The following DNAH10 variants were observed in gnomAD, a reference collection of about 807,000 sequenced individuals.
DNAH10 encodes the protein dynein axonemal heavy chain 10, also known as axonemal beta dynein heavy chain 10.
A neutral mutation model predicts 506.6 loss-of-function variants in DNAH10; 348 were observed. The observed-to-expected ratio is 0.69, with a 90% CI of 0.63 to 0.75. The LOEUF (loss-of-function observed/expected upper bound fraction) is 0.75, where lower values mean the gene tolerates loss of function less well. Among genes scored for constraint, DNAH10 ranks in the 30% least tolerant of loss-of-function variants. DNAH10 has a pLI of 0.00. For synonymous variants in DNAH10, 2,059 were observed against 2,198.6 expected, an observed-to-expected ratio of 0.94 and a Z score of 1.78; for missense variants, 5,179 against 5,787.1, an observed-to-expected ratio of 0.89 and a Z score of 3.41.
intron 14 of DNAH10, 68 bp downstream of exon 14, chr12:123,799,439 G>C: frequency 6.5e-7 from 1 of 1,540,578 alleles, no homozygotes. Flanking sequence ...TTTTCTCAAG[G>C]CTTGATTTGT....
chr12:123,823,543 G>A (rs1367239377), intron 24 of DNAH10, among the ~76,000 whole-genome samples: 5 of 152,144 alleles, frequency 3.3e-5, no homozygotes, highest in African/African-American at 7.2e-5. Flanking sequence ...AAAACATACC[G>A]TCAGCTTTTA....
chr12:123,808,652 C>G, intron 18 of DNAH10, 145 bp from the exon 19 acceptor site: 1 of 755,982 alleles, frequency 1.3e-6, no homozygotes, highest in Non-Finnish European at 2.2e-6. Context: ...TTAAGTAAGA[C>G]TCACCCCAGC....
intron 56 of DNAH10, among the ~76,000 whole-genome samples, chr12:123,901,275 G>T (rs1442561953): frequency 1.3e-5 from 2 of 152,142 alleles, no homozygotes; most frequent in African/African-American, 2.4e-5. Context: ...GTTCCTGCTG[G>T]CACCACCCCC....
rs757790699 is a variant in DNAH10, at chr12:123,781,080, GT to G, written c.629del (p.Leu210CysfsTer40). ...LHFLKNIICQ[V>X]FLPALSFNQH... ...GTATTTCATAAAATTGGCATTTCAG[GT>G]TTTTTTGCCAGCATTGTCCTTCAAT... On this transcript the variant is annotated frameshift_variant and splice_region_variant, in exon 6 of 79. Coordinates refer to ENST00000673944, the MANE Select transcript of DNAH10 (RefSeq NM_001372106.1). LOFTEE classifies it high-confidence loss of function. 1 of 1,590,908 alleles carries G rather than the reference GT, an allele frequency of 6.3e-7. No individual in the cohort carries two copies. Among genetic ancestry groups the G allele is most frequent in the Non-Finnish European group, 8.5e-7 (1 of 1,171,630 alleles).
At chr12:123,887,052 T>C in intron 51 of DNAH10, 90 bp from the exon 52 acceptor site, 1 of 1,463,510 alleles carries the variant, frequency 6.8e-7, no homozygotes, top group Non-Finnish European at 9.1e-7. Context: ...CCACGCCCTC[T>C]GCACTCTCCT....
chr12:123,855,647 A>AT (rs1555233701), intron 36 of DNAH10, among the ~76,000 whole-genome samples: 149 of 149,592 alleles, frequency 1.0e-3, no homozygotes, highest in African/African-American at 1.9e-3. Context: ...AAAAAAAAAA[A>AT]AATAATAATA....
chr12:123,811,191 T>G (rs1958917354), intron 19 of DNAH10, among the ~76,000 whole-genome samples: 1 of 152,226 alleles, frequency 6.6e-6, no homozygotes, highest in Admixed American at 6.5e-5. Context: ...CTCTACTAAG[T>G]GGAAATGATA....
At chr12:123,826,975 A>G in intron 25 of DNAH10, 77 bp downstream of exon 25, 1 of 1,330,816 alleles carries the variant, frequency 7.5e-7, no homozygotes, top group Non-Finnish European at 1.0e-6. Context: ...TCAGTACATT[A>G]TCTTTGGTCT....
chr12:123,776,901 GA>G (rs956556784), intron 5 of DNAH10, among the ~76,000 whole-genome samples: 3 of 152,088 alleles, frequency 2.0e-5, no homozygotes, highest in African/African-American at 7.2e-5. Context: ...AGATCAATGA[GA>G]AAATATATAG....
intron 11 of DNAH10, among the ~76,000 whole-genome samples, chr12:123,791,273 C>T (rs1242981114): frequency 6.6e-6 from 1 of 152,090 alleles, no homozygotes; most frequent in African/African-American, 2.4e-5. Context: ...GCCTGAGGTG[C>T]GGGGAGGCAG....
Position 123,832,448 on chromosome 12 carries a change from C to T in DNAH10, c.4546-666C>T, listed in dbSNP as rs141701486. 1.5e-3 allele frequency among the ~76,000 whole-genome samples: 222 copies of T among 151,818 alleles called. 1 individual carries two copies. The highest frequency in any genetic ancestry group is 3.1e-3 in the African/African-American group (128 of 41,390). On this transcript the variant is annotated intron_variant, in intron 26 of 78. Coordinates refer to ENST00000673944, the MANE Select transcript of DNAH10 (RefSeq NM_001372106.1). Reference sequence around the variant, plus strand: ...CAGTGTACACAATATACCAAAGATACGCATAATATACATATAATGTACACA... The same window carrying T: ...CAGTGTACACAATATACCAAAGATATGCATAATATACATATAATGTACACA...
chr12:123,846,741 A>G lies in DNAH10; in HGVS notation c.5814+587A>G, dbSNP rs1339012271. ...ACTCCTGGCCTCAAGTGATCCTCCC[A>G]CCTTGGCCTCCTGAGTAGCTAGGAC... On this transcript the variant is annotated intron_variant, in intron 32 of 78. Transcript: ENST00000673944. This position sits in a 1 kb window ranked among gnomAD's most constrained non-coding sequence, Gnocchi z 4.5. 6.6e-6 allele frequency among the ~76,000 whole-genome samples: 1 copy of G among 152,016 alleles called. No homozygotes were observed. Among genetic ancestry groups the G allele is most frequent in the Non-Finnish European group, 1.5e-5 (1 of 68,002 alleles).
chr12:123,883,653 A>G (rs1268601083), intron 51 of DNAH10, among the ~76,000 whole-genome samples: 1 of 152,214 alleles, frequency 6.6e-6, no homozygotes, highest in Non-Finnish European at 1.5e-5. Context: ...TCTTAAGCTG[A>G]AAAGTGTACC....
intron 24 of DNAH10, among the ~76,000 whole-genome samples, chr12:123,822,240 G>A (rs1394289588): frequency 6.6e-6 from 1 of 152,134 alleles, no homozygotes; most frequent in Admixed American, 6.5e-5. Flanking sequence ...CAAATGTCAT[G>A]TCATTTGGGT....
chr12:123,840,766 T>C (rs537213726), intron 29 of DNAH10, among the ~76,000 whole-genome samples: 8 of 152,332 alleles, frequency 5.3e-5, no homozygotes, highest in African/African-American at 1.9e-4. Flanking sequence ...CTAAATGTTA[T>C]TCTGATTAAT....
chr12:123,803,634 T>C, intron 16 of DNAH10, 27 bp from the exon 17 acceptor site: 1 of 1,509,468 alleles, frequency 6.6e-7, no homozygotes, highest in South Asian at 1.3e-5. Flanking sequence ...GGAAGCCAAA[T>C]GTCTTTCTTT....
rs143556029 is a variant in DNAH10, at chr12:123,785,881, G to C, written c.1366G>C (p.Ala456Pro). The change falls in exon 9 of 79, where the codon GCC becomes CCC. Residue 456 changes from alanine (A) to proline (P), a missense_variant. By Grantham distance (27) the Ala-to-Pro change is conservative. Transcript: ENST00000673944. The surrounding 1 kb of genome is among the most constrained non-coding windows in gnomAD (Gnocchi z 4.1). ...ERMIPLMERIAWEIAERVCRV... is the reference protein window; with the variant it reads ...ERMIPLMERIPWEIAERVCRV... ...GATGATTCCGCTCATGGAGCGCATC[G>C]CCTGGGAAATCGCTGAGAGAGTCTG... 2.5e-6 allele frequency: 4 copies of C among 1,614,014 alleles called. No individual in the cohort carries two copies. The highest frequency in any genetic ancestry group is 3.4e-6 in the Non-Finnish European group (4 of 1,179,994).
At chr12:123,874,908 T>C (rs1952190796) in intron 46 of DNAH10, among the ~76,000 whole-genome samples, 1 of 152,142 alleles carries the variant, frequency 6.6e-6, no homozygotes, top group Non-Finnish European at 1.5e-5. Flanking sequence ...CATTCGTCCA[T>C]CTGTCCATCC....
intron 48 of DNAH10, among the ~76,000 whole-genome samples, chr12:123,878,758 G>A (rs577391288): frequency 1.3e-5 from 2 of 152,314 alleles, no homozygotes; most frequent in Admixed American, 1.3e-4. Context: ...AATTAGCTGA[G>A]TGTGGTGGTA....
Sources: allele counts gnomAD v4.1 joint callset (sites outside exome capture counted in the v4.1 genomes callset), GRCh38; gene constraint gnomAD v4.1.1; non-coding constraint Gnocchi (gnomAD v3.1); transcripts MANE v1.5; gene names NCBI Gene and HGNC (gene_info 2026-07-23, HGNC 2026-07-21).